Variants in DZIP3 observed in about 807,000 individuals in gnomAD.
DZIP3 encodes DAZ interacting zinc finger protein 3, also known as E3 ubiquitin-protein ligase DZIP3.
A neutral mutation model predicts 162.0 loss-of-function variants in DZIP3; 118 were observed. The ratio of observed to expected loss-of-function variants is 0.73; its 90% confidence interval spans 0.63 to 0.85. The LOEUF (loss-of-function observed/expected upper bound fraction) is 0.85. Ranked by LOEUF, DZIP3 falls within the 40% of genes least tolerant of loss-of-function variation. The pLI, the probability that DZIP3 is intolerant of heterozygous loss-of-function variation, is 0.00. For synonymous variants in DZIP3, 438 were observed against 458.6 expected, an observed-to-expected ratio of 0.96 and a Z score of 0.57; for missense variants, 1,331 against 1,407.0, an observed-to-expected ratio of 0.95 and a Z score of 0.86.
At chr3:108,661,837 T>C in intron 19 of DZIP3, 40 bp from the exon 20 acceptor site, 1 of 1,540,732 alleles carries the variant, frequency 6.5e-7, no homozygotes, top group South Asian at 1.2e-5. Context: ...AAATTTTTTT[T>C]TGAGGAAAAT....
chr3:108,669,250 T>A (rs1943820735), intron 21 of DZIP3, among the ~76,000 whole-genome samples: 2 of 151,940 alleles, frequency 1.3e-5, no homozygotes, highest in East Asian at 3.9e-4. Context: ...CTTTAGACCT[T>A]AAATCTTTCA....
At chr3:108,605,995 G>A (rs2107482510) in intron 2 of DZIP3, among the ~76,000 whole-genome samples, 2 of 152,248 alleles carry the variant, frequency 1.3e-5, no homozygotes, top group South Asian at 4.1e-4. Context: ...TCACTGAGGA[G>A]CTAAGAATTG....
At chr3:108,604,753 T>G (rs917180577) in intron 1 of DZIP3, among the ~76,000 whole-genome samples, 2 of 152,226 alleles carry the variant, frequency 1.3e-5, no homozygotes, top group African/African-American at 4.8e-5. Flanking sequence ...GCTGTCAAGA[T>G]TGTATTAAGC....
intron 11 of DZIP3, 125 bp from the exon 12 acceptor site, chr3:108,637,367 TTTTG>T: frequency 1.2e-6 from 1 of 833,980 alleles, no homozygotes; most frequent in Non-Finnish European, 1.9e-6. Flanking sequence ...GTTATTCATG[TTTTG>T]TTTGTTTTAT....
intron 28 of DZIP3, among the ~76,000 whole-genome samples, 185 bp downstream of exon 28, chr3:108,686,769 T>C (rs999993479): frequency 6.6e-6 from 1 of 152,144 alleles, no homozygotes; most frequent in African/African-American, 2.4e-5. Context: ...ATGGTGAACC[T>C]CTTCATTAAA....
chr3:108,662,389 G>C (rs1291879331), intron 21 of DZIP3, 132 bp downstream of exon 21: 1 of 1,124,384 alleles, frequency 8.9e-7, no homozygotes, highest in South Asian at 2.4e-5. Flanking sequence ...GACTGCACTT[G>C]TTTAAAAACC....
In DZIP3 at chr3:108,629,193, G is replaced by C; in HGVS notation, c.696+17G>C. On this transcript the variant is annotated intron_variant, in intron 8 of 32. Transcript: ENST00000361582. ...ACTTTTAAAGTAAGAAATTATTTAA[G>C]AGTAACATTTTATTTGTAACTAATC... 1 of 1,467,464 alleles carries C rather than the reference G, an allele frequency of 6.8e-7. No homozygotes were observed. The highest frequency in any genetic ancestry group is 9.3e-7 in the Non-Finnish European group (1 of 1,075,926). 90.9% of individuals were successfully genotyped at this position (1,467,464 alleles called of 1,614,324 possible). A position where few individuals can be genotyped will look rare whatever the true frequency, so the allele number is the denominator to read the frequency against.
chr3:108,635,168 C>T (rs1168977302), intron 10 of DZIP3, among the ~76,000 whole-genome samples, 196 bp downstream of exon 10: 1 of 151,834 alleles, frequency 6.6e-6, no homozygotes, highest in African/African-American at 2.4e-5. Flanking sequence ...ACTTTTCATT[C>T]ATTATCATCA....
At position 108,646,647 on chromosome 3, in the gene DZIP3, A is replaced by G. The variant is rs769434149; in HGVS notation, c.1790A>G (p.Gln597Arg). The G allele has an allele frequency of 1.9e-6, 3 of 1,555,836 alleles. No individual in the cohort carries two copies. The highest frequency in any genetic ancestry group is 2.4e-5 in the South Asian group (2 of 84,108). Residue 597 changes from glutamine (Q) to arginine (R), a missense_variant and splice_region_variant, in exon 15 of 33, where the codon CAG (glutamine) becomes CGG (arginine). Transcript: ENST00000361582. ...GCTCTACAGTCAATAACAGGCAGTCAGCGTAAGTATATTTAGAAATAAAAT... is the reference window on the plus strand; with the variant it reads ...GCTCTACAGTCAATAACAGGCAGTCGGCGTAAGTATATTTAGAAATAAAAT... Reference protein sequence around the residue: ...GIALQSITGSQRIEIEELQNE... With the variant: ...GIALQSITGSRRIEIEELQNE...
At chr3:108,605,546 C>A (rs907371863) in intron 2 of DZIP3, 108 bp downstream of exon 2, 2 of 1,136,944 alleles carry the variant, frequency 1.8e-6, no homozygotes. Flanking sequence ...TGAAACTGTT[C>A]GACTTCAGAT....
chr3:108,634,660 C>CT (rs1264305204), intron 9 of DZIP3, among the ~76,000 whole-genome samples: 2 of 151,758 alleles, frequency 1.3e-5, no homozygotes, highest in Middle Eastern at 3.4e-3. Flanking sequence ...AATTATTGAC[C>CT]TTTTTTTTAC....
At chr3:108,640,696 G>A (rs945573533) in intron 12 of DZIP3, among the ~76,000 whole-genome samples, 9 of 151,894 alleles carry the variant, frequency 5.9e-5, no homozygotes, top group East Asian at 1.9e-4. Flanking sequence ...CACCCTCTTC[G>A]GCCTCCCAAA....
intron 1 of DZIP3, among the ~76,000 whole-genome samples, chr3:108,601,841 T>G (rs940600738): frequency 1.3e-5 from 2 of 152,172 alleles, no homozygotes; most frequent in African/African-American, 2.4e-5. Context: ...AACTGAAAAT[T>G]ACCAGATCAC....
intron 12 of DZIP3, among the ~76,000 whole-genome samples, chr3:108,638,755 C>G (rs1234825544): frequency 1.3e-5 from 2 of 152,136 alleles, no homozygotes; most frequent in East Asian, 3.8e-4. Context: ...TTTACTTTAT[C>G]CAGTCTGTTG....
At chr3:108,642,596 A>C in intron 13 of DZIP3, 82 bp downstream of exon 13, 3 of 1,339,456 alleles carry the variant, frequency 2.2e-6, no homozygotes, top group Non-Finnish European at 3.0e-6. Flanking sequence ...TGCCATTAAC[A>C]ACCACGTCTT....
At chr3:108,669,808 C>T in intron 22 of DZIP3, 59 bp downstream of exon 22, 1 of 1,349,442 alleles carries the variant, frequency 7.4e-7, no homozygotes, top group Non-Finnish European at 1.1e-6. Flanking sequence ...TCACTCAACA[C>T]TTTCTGGCTG....
intron 1 of DZIP3, chr3:108,603,122 C>G (rs1451293138): frequency 1.3e-5 from 2 of 152,160 alleles, no homozygotes; most frequent in African/African-American, 4.8e-5. Flanking sequence ...ATGCAAACAG[C>G]TACTGGCCAA....
intron 19 of DZIP3, among the ~76,000 whole-genome samples, chr3:108,654,613 A>G (rs1477981074): frequency 1.3e-5 from 2 of 152,206 alleles, no homozygotes; most frequent in Admixed American, 6.5e-5. Flanking sequence ...AGGAAAAAAA[A>G]AGACTAGCAT....
chr3:108,631,055 A>ACATACACTCTCTCTCT, intron 8 of DZIP3, among the ~76,000 whole-genome samples: 5 of 18,014 alleles, frequency 2.8e-4, no homozygotes, highest in Admixed American at 8.5e-4. Context: ...ACACACACAC[A>ACATACACTCTCTCTCT]CTCTCTCTCT....
Sources: allele counts gnomAD v4.1 joint callset (sites outside exome capture counted in the v4.1 genomes callset), GRCh38; gene constraint gnomAD v4.1.1; transcripts MANE v1.5; gene names NCBI Gene and HGNC (gene_info 2026-07-23, HGNC 2026-07-21).